Variants in SIM1 observed in about 807,000 individuals in gnomAD.
SIM1 encodes single-minded homolog 1.
Under a neutral mutation model 78.2 loss-of-function variants are expected in SIM1, and 18 were observed. The ratio of observed to expected loss-of-function variants is 0.23; its 90% CI spans 0.16 to 0.34. The LOEUF (loss-of-function observed/expected upper bound fraction) is 0.34. Ranked by LOEUF, SIM1 falls within the 10% of genes least tolerant of loss-of-function variation. The probability of loss-of-function intolerance (pLI) is 1.00; values close to 1 mark genes in which losing one functional copy is unlikely to be tolerated. For missense variants in SIM1, 939 were observed against 975.1 expected (o/e 0.96, Z 0.49); for synonymous variants, 417 against 385.2 (o/e 1.08, Z -0.97).
intron 10 of SIM1, among the ~76,000 whole-genome samples, chr6:100,412,679 AAGAAAAAGAAAGAAAG>A (rs1377679715): frequency 2.5e-5 from 3 of 119,498 alleles, no homozygotes; most frequent in Admixed American, 9.4e-5. Context: ...GAGAGAAAGA[AAGAAAAAGAAAGAAAG>A]AAAGAAAGAA....
At chr6:100,448,327 C>G in intron 7 of SIM1, 75 bp from the exon 8 acceptor site, 3 of 1,367,488 alleles carry the variant, frequency 2.2e-6, no homozygotes, top group Non-Finnish European at 2.0e-6. Flanking sequence ...CCTCGACAGC[C>G]GTCTGACACC....
intron 10 of SIM1, among the ~76,000 whole-genome samples, chr6:100,408,796 G>C (rs1461726198): frequency 6.6e-6 from 1 of 152,004 alleles, no homozygotes; most frequent in Non-Finnish European, 1.5e-5. Flanking sequence ...TCAATATGTT[G>C]TTCAATTTTG....
chr6:100,396,451 G>C (rs1374442941), intron 10 of SIM1, among the ~76,000 whole-genome samples: 1 of 152,062 alleles, frequency 6.6e-6, no homozygotes, highest in Non-Finnish European at 1.5e-5. Flanking sequence ...AATTCAACAA[G>C]AGACAACCTG....
In SIM1 at chr6:100,391,089, G is replaced by A; in HGVS notation, c.1573C>T (p.Arg525Ter). The A allele has an allele frequency of 1.3e-6, 2 of 1,565,272 alleles. No homozygotes were observed. The highest frequency in any genetic ancestry group is 1.7e-6 in the Non-Finnish European group (2 of 1,159,530). ...ACACTATCTTCATCCCAATGACCTCGCCCTAAAAATTAGAAAAAGTCAAAA... is the reference window on the plus strand; with the variant it reads ...ACACTATCTTCATCCCAATGACCTCACCCTAAAAATTAGAAAAAGTCAAAA... The part of the protein sequence containing the change: ...HIASVHRIHG[R>*]GHWDEDSVVS... Residue 525 changes from arginine to a stop codon, truncating the protein, a stop_gained and splice_region_variant, in exon 12 of 12, where the codon CGA becomes TGA. Transcript: ENST00000369208. LOFTEE classifies it high-confidence loss of function.
intron 10 of SIM1, among the ~76,000 whole-genome samples, chr6:100,402,172 T>G (rs1047759487): frequency 1.3e-5 from 2 of 152,230 alleles, no homozygotes. Flanking sequence ...TTCACTTAGG[T>G]AAACAGAAAT....
intron 2 of SIM1, 132 bp downstream of exon 2, chr6:100,463,162 G>A (rs1221825422): frequency 2.6e-6 from 2 of 764,638 alleles, no homozygotes; most frequent in African/African-American, 1.8e-5. Flanking sequence ...TGAAGCAGCC[G>A]AGCTAAACTT....
chr6:100,447,336 G>A lies in SIM1; in HGVS notation c.930C>T (p.Tyr310=), dbSNP rs771906086. The A allele has an allele frequency of 3.1e-6, 5 of 1,614,090 alleles. No homozygotes were observed. The highest frequency in any genetic ancestry group is 4.2e-6 in the Non-Finnish European group (5 of 1,180,046). ...KHGGWVWVQS[Y]ATIVHNSRSS... Reference sequence around the variant, plus strand: ...AGCGACTGTTGTGCACGATGGTCGCGTAGCTCTGCACCCATACCCAGCCGC... The same window carrying A: ...AGCGACTGTTGTGCACGATGGTCGCATAGCTCTGCACCCATACCCAGCCGC... The change falls in exon 9 of 12, where the codon TAC becomes TAT. Residue 310 remains tyrosine, a synonymous_variant. Coordinates refer to ENST00000369208, the MANE Select transcript of SIM1 (RefSeq NM_005068.3).
rs1770503567 is a variant in SIM1 at position 100,385,730 on chromosome 6, T to C, written c.*4631A>G. On this transcript the variant is annotated 3_prime_UTR_variant, in exon 12 of 12. Transcript: ENST00000369208. ...GTGTGTTATAATTGGATATGGCACA[T>C]TTTCATGAATATGATATAAAAATCA... The C allele has an allele frequency of 1.3e-5, 2 of 149,760 alleles. No individual in the cohort carries two copies. Among genetic ancestry groups the C allele is most frequent in the African/African-American group, 2.5e-5 (1 of 40,440 alleles). The allele number at this position is 149,760 out of a possible 1,614,324, so 9.3% of individuals were successfully genotyped here.
chr6:100,450,696 T>TCTCTCTCTCTCCCA, intron 3 of SIM1, among the ~76,000 whole-genome samples: 1 of 91,878 alleles, frequency 1.1e-5, no homozygotes, highest in Non-Finnish European at 2.2e-5. Flanking sequence ...TCTCTCTCTC[T>TCTCTCTCTCTCCCA]CACACACACA....
At chr6:100,438,756 T>G (rs948324410) in intron 9 of SIM1, among the ~76,000 whole-genome samples, 1 of 152,222 alleles carries the variant, frequency 6.6e-6, no homozygotes, top group Non-Finnish European at 1.5e-5. Flanking sequence ...GTGGTATATA[T>G]ATACTGTGGA....
intron 9 of SIM1, among the ~76,000 whole-genome samples, chr6:100,440,118 A>T (rs1044069209): frequency 6.6e-6 from 1 of 152,242 alleles, no homozygotes; most frequent in African/African-American, 2.4e-5. Context: ...TAATAAAAAC[A>T]GCTAAGAAAT....
rs562181929 is a variant in SIM1, at chr6:100,434,578, C to T, written c.998+12690G>A. ...GTAAAATGAATGGCTGAAGAGCAGC[C>T]GCAAACCTGTAAGAATGCTCAGAAC... On this transcript the variant is annotated intron_variant, in intron 9 of 11. Coordinates refer to ENST00000369208, the MANE Select transcript of SIM1 (RefSeq NM_005068.3). Among the ~76,000 whole-genome samples, 55 of 152,282 alleles carry T rather than the reference C, an allele frequency of 3.6e-4. No individual in the cohort carries two copies. In the South Asian group the frequency reaches 4.4e-3, roughly 12 times the overall value.
intron 9 of SIM1, among the ~76,000 whole-genome samples, chr6:100,435,126 T>C (rs1772010427): frequency 1.3e-5 from 2 of 152,242 alleles, no homozygotes; most frequent in South Asian, 4.1e-4. Context: ...GACTGGCAAT[T>C]GAGCAGGTCC....
At position 100,385,582 on chromosome 6, in the gene SIM1, C is replaced by G. The variant is rs955680677; in HGVS notation, c.*4779G>C. Reference sequence around the variant, plus strand: ...AGATTTATGAAAGCAAAGTCCCATGCAGCAAAGTTGCAATAAACAAAACTA... The same window carrying G: ...AGATTTATGAAAGCAAAGTCCCATGGAGCAAAGTTGCAATAAACAAAACTA... On this transcript the variant is annotated 3_prime_UTR_variant, in exon 12 of 12. Transcript: ENST00000369208. 6.6e-6 allele frequency: 1 copy of G among 151,550 alleles called. No homozygotes were observed. Among genetic ancestry groups the G allele is most frequent in the African/African-American group, 2.4e-5 (1 of 41,218 alleles). The allele number at this position is 151,550 out of a possible 1,614,324, so 9.4% of individuals were successfully genotyped here. A position where few individuals can be genotyped will look rare whatever the true frequency, so the allele number is the denominator to read the frequency against.
chr6:100,444,227 A>G (rs1772294287), intron 9 of SIM1, among the ~76,000 whole-genome samples: 1 of 152,132 alleles, frequency 6.6e-6, no homozygotes, highest in Admixed American at 6.5e-5. Context: ...GTCTTTACAC[A>G]GTATACTCCA....
At chr6:100,421,354 A>G (rs1771575915) in intron 9 of SIM1, among the ~76,000 whole-genome samples, 1 of 152,228 alleles carries the variant, frequency 6.6e-6, no homozygotes, top group South Asian at 2.1e-4. Context: ...TCTAGGATCA[A>G]TCATTCTGGT....
chr6:100,424,032 T>C (rs1226486429), intron 9 of SIM1, among the ~76,000 whole-genome samples: 4 of 152,008 alleles, frequency 2.6e-5, no homozygotes, highest in African/African-American at 9.7e-5. Context: ...AACAAGGATT[T>C]ATTTTTCTCT....
chr6:100,445,255 T>C (rs1411227836), intron 9 of SIM1, among the ~76,000 whole-genome samples: 1 of 152,210 alleles, frequency 6.6e-6, no homozygotes, highest in Admixed American at 6.5e-5. Context: ...TTTGCAGCTA[T>C]AAAAATTGTC....
intron 9 of SIM1, among the ~76,000 whole-genome samples, chr6:100,442,112 C>T (rs1772235102): frequency 6.6e-6 from 1 of 152,156 alleles, no homozygotes; most frequent in Non-Finnish European, 1.5e-5. Context: ...ATCAAAGAAG[C>T]AAGTCAGGTA....
Sources: gnomAD v4.1 joint callset for allele counts (sites outside exome capture counted in the v4.1 genomes callset) on GRCh38, gnomAD v4.1.1 for gene constraint, MANE v1.5 for transcripts, NCBI Gene and HGNC (gene_info 2026-07-23, HGNC 2026-07-21) for gene names.